The following AFF1 variants were observed in gnomAD, a reference collection of about 807,000 sequenced individuals.
The protein encoded by AFF1 is AF4/FMR2 family member 1.
AFF1 carries 48 observed loss-of-function variants against 121.7 expected under a neutral mutation model. The ratio of observed to expected loss-of-function variants is 0.39; its 90% confidence interval spans 0.31 to 0.50. The LOEUF (loss-of-function observed/expected upper bound fraction) is 0.50. Among genes scored for constraint, AFF1 ranks in the 20% least tolerant of loss-of-function variants. AFF1 has a pLI of 0.76. For synonymous variants in AFF1, 613 were observed against 563.0 expected, an observed-to-expected ratio of 1.09 and a Z score of -1.26; for missense variants, 1,523 against 1,511.7, an observed-to-expected ratio of 1.01 and a Z score of -0.12.
intron 2 of AFF1, among the ~76,000 whole-genome samples, chr4:86,978,790 T>TAAACATA (rs1723505313): frequency 1.3e-5 from 2 of 152,160 alleles, no homozygotes; most frequent in East Asian, 3.9e-4. Flanking sequence ...TTACTGGAGG[T>TAAACATA]GCCTAGTTAC....
At chr4:87,093,691 G>A (rs944614750) in intron 7 of AFF1, among the ~76,000 whole-genome samples, 2 of 152,144 alleles carry the variant, frequency 1.3e-5, no homozygotes, top group Non-Finnish European at 2.9e-5. Flanking sequence ...CTAGACAGAG[G>A]GGAGGCCATT....
intron 11 of AFF1, among the ~76,000 whole-genome samples, chr4:87,109,149 A>G (rs1271162971): frequency 6.6e-6 from 1 of 152,186 alleles, no homozygotes; most frequent in African/African-American, 2.4e-5. Flanking sequence ...ACATCGAGAA[A>G]ATTATTCCAT....
In AFF1 at chr4:87,136,625, G is replaced by A; in HGVS notation, c.*924G>A. ...AACCAACATTTATACCTGACCAGATGGCTAAAGTGCTTTTAAAGTTTTGTT... is the reference window on the plus strand; with the variant it reads ...AACCAACATTTATACCTGACCAGATAGCTAAAGTGCTTTTAAAGTTTTGTT... On this transcript the variant is annotated 3_prime_UTR_variant, in exon 21 of 21. Coordinates refer to ENST00000395146, the MANE Select transcript of AFF1 (RefSeq NM_001166693.3). 4.3e-6 allele frequency: 1 copy of A among 230,846 alleles called. No individual in the cohort carries two copies. The highest frequency in any genetic ancestry group is 8.6e-6 in the Non-Finnish European group (1 of 116,608). The allele number at this position is 230,846 out of a possible 1,614,324, so 14.3% of individuals were successfully genotyped here. A position where few individuals can be genotyped will look rare whatever the true frequency, so the allele number is the denominator to read the frequency against.
At chr4:87,038,382 A>G (rs145951461) in intron 2 of AFF1, among the ~76,000 whole-genome samples, 1 of 152,188 alleles carries the variant, frequency 6.6e-6, no homozygotes, top group Non-Finnish European at 1.5e-5. Flanking sequence ...TTGATTTCTC[A>G]TGTTTAAATT....
intron 2 of AFF1, among the ~76,000 whole-genome samples, chr4:87,001,555 G>T (rs1725729997): frequency 6.6e-6 from 1 of 152,186 alleles, no homozygotes; most frequent in Non-Finnish European, 1.5e-5. Context: ...CAAGTGGGAA[G>T]TGAGAGCCTG....
chr4:87,109,070 G>A (rs1334026536), intron 11 of AFF1, among the ~76,000 whole-genome samples: 3 of 152,182 alleles, frequency 2.0e-5, no homozygotes, highest in African/African-American at 7.2e-5. Flanking sequence ...CATTGTAAAA[G>A]TTATGGTGGG....
chr4:86,972,638 A>T (rs998969658), intron 2 of AFF1, among the ~76,000 whole-genome samples: 1 of 152,136 alleles, frequency 6.6e-6, no homozygotes, highest in Non-Finnish European at 1.5e-5. Context: ...CCTGGGTTCA[A>T]GTGATTCTCT....
chr4:87,093,075 A>G (rs1459996207), intron 7 of AFF1, among the ~76,000 whole-genome samples: 3 of 152,206 alleles, frequency 2.0e-5, no homozygotes, highest in Non-Finnish European at 4.4e-5. Context: ...AGTCCATTAA[A>G]CCATTTGATT....
chr4:87,047,950 A>C (rs1730889395), intron 4 of AFF1: 2 of 278,230 alleles, frequency 7.2e-6, no homozygotes, highest in Non-Finnish European at 1.4e-5. Context: ...GTTACCAGAA[A>C]GTTTCAGGAA....
intron 4 of AFF1, among the ~76,000 whole-genome samples, chr4:87,070,099 G>A (rs1189834538): frequency 6.6e-6 from 1 of 152,202 alleles, no homozygotes; most frequent in African/African-American, 2.4e-5. Flanking sequence ...TGCCTCCCGG[G>A]TTCAAGTGAT....
At chr4:87,001,601 A>G (rs1429756140) in intron 2 of AFF1, among the ~76,000 whole-genome samples, 1 of 152,122 alleles carries the variant, frequency 6.6e-6, no homozygotes, top group Non-Finnish European at 1.5e-5. Flanking sequence ...TTTGTATATT[A>G]AGGATCTAGA....
chr4:87,087,000 T>C (rs1723807065), intron 5 of AFF1, among the ~76,000 whole-genome samples: 1 of 152,120 alleles, frequency 6.6e-6, no homozygotes, highest in Non-Finnish European at 1.5e-5. Context: ...ACACTGTTAG[T>C]TTTCAGGGAA....
At chr4:86,936,227 G>A (rs1280140897) in intron 1 of AFF1, 1 of 152,198 alleles carries the variant, frequency 6.6e-6, no homozygotes, top group African/African-American at 2.4e-5. Context: ...GGGTGGAGCC[G>A]GAGATAATTT....
chr4:86,970,322 G>C (rs1291643358), intron 2 of AFF1, among the ~76,000 whole-genome samples: 2 of 151,982 alleles, frequency 1.3e-5, no homozygotes, highest in African/African-American at 4.8e-5. Flanking sequence ...GCAAGACCTC[G>C]TCTCTACAAC....
intron 8 of AFF1, 108 bp downstream of exon 8, chr4:87,095,077 G>GA: frequency 9.5e-7 from 1 of 1,051,406 alleles, no homozygotes; most frequent in Non-Finnish European, 1.4e-6. Flanking sequence ...ACATTAATAA[G>GA]ACTGCTGCAT....
rs146393638 is a variant in AFF1, at chr4:86,999,320, C to A, written c.39-46846C>A. 1.9e-4 allele frequency among the ~76,000 whole-genome samples: 29 copies of A among 152,340 alleles called. 1 individual carries two copies. The highest frequency in any genetic ancestry group is 6.7e-4 in the African/African-American group (28 of 41,576). On this transcript the variant is annotated intron_variant, in intron 2 of 20. Transcript: ENST00000395146. Reference sequence around the variant, plus strand: ...TCCCAAGGAAGGAACTAACTAAACACACTTTTCCCCTAGTCTTTTTTAATT... The same window carrying A: ...TCCCAAGGAAGGAACTAACTAAACAAACTTTTCCCCTAGTCTTTTTTAATT...
At chr4:87,102,092 G>T (rs1449359047) in intron 8 of AFF1, among the ~76,000 whole-genome samples, 1 of 152,220 alleles carries the variant, frequency 6.6e-6, no homozygotes, top group African/African-American at 2.4e-5. Flanking sequence ...TGTACAAAGG[G>T]TTTTGAGAAT....
At chr4:87,084,339 G>A (rs1462060653) in intron 5 of AFF1, among the ~76,000 whole-genome samples, 175 bp downstream of exon 5, 4 of 151,910 alleles carry the variant, frequency 2.6e-5, no homozygotes, top group African/African-American at 9.7e-5. Flanking sequence ...CGGAGTTCAC[G>A]ACCAGCCTGG....
intron 4 of AFF1, among the ~76,000 whole-genome samples, chr4:87,049,249 T>G (rs184372464): frequency 6.6e-6 from 1 of 152,154 alleles, no homozygotes; most frequent in East Asian, 1.9e-4. Flanking sequence ...GAGAAATCGG[T>G]CCTTGCTGCA....
Sources: gnomAD v4.1 joint callset for allele counts (sites outside exome capture counted in the v4.1 genomes callset) on GRCh38, gnomAD v4.1.1 for gene constraint, MANE v1.5 for transcripts, NCBI Gene and HGNC (gene_info 2026-07-23, HGNC 2026-07-21) for gene names.